The following KALRN variants were observed in gnomAD, a reference collection of about 807,000 sequenced individuals.
KALRN encodes kalirin RhoGEF kinase.
KALRN carries 70 observed loss-of-function variants against 353.7 expected under a neutral mutation model. That is an observed-to-expected ratio of 0.20 (90% CI 0.16 to 0.24). KALRN has a LOEUF of 0.24. Ranked by LOEUF, KALRN falls within the 10% of genes least tolerant of loss-of-function variation. The probability of loss-of-function intolerance (pLI) is 1.00; values close to 1 mark genes in which losing one functional copy is unlikely to be tolerated. For synonymous variants in KALRN, 1,391 were observed against 1,434.8 expected, an observed-to-expected ratio of 0.97 and a Z score of 0.69; for missense variants, 2,791 against 3,756.7, an observed-to-expected ratio of 0.74 and a Z score of 6.72.
At chr3:124,368,032 G>A (rs2085165087) in intron 10 of KALRN, among the ~76,000 whole-genome samples, 2 of 43,526 alleles carry the variant, frequency 4.6e-5, no homozygotes, top group South Asian at 9.3e-4. Flanking sequence ...GCGGCTGGCC[G>A]GGCGGAGGGC....
intron 59 of KALRN, among the ~76,000 whole-genome samples, chr3:124,718,259 T>A (rs1179449715): frequency 1.3e-5 from 2 of 151,980 alleles, no homozygotes; most frequent in African/African-American, 4.8e-5. Context: ...TAGCTGGGAT[T>A]ACAGGCGCCC....
At chr3:124,527,426 G>A (rs921927763) in intron 33 of KALRN, among the ~76,000 whole-genome samples, 8 of 151,904 alleles carry the variant, frequency 5.3e-5, no homozygotes, top group South Asian at 2.1e-4. Flanking sequence ...TGGCTAACAC[G>A]GTGAAACCCC....
chr3:124,589,523 T>C (rs2075561974), intron 34 of KALRN, among the ~76,000 whole-genome samples: 1 of 152,136 alleles, frequency 6.6e-6, no homozygotes, highest in South Asian at 2.1e-4. Context: ...AGCCCATGAA[T>C]TCAAGTTTGC....
chr3:124,555,770 A>G (rs959997876), intron 33 of KALRN, among the ~76,000 whole-genome samples: 4 of 152,210 alleles, frequency 2.6e-5, no homozygotes, highest in Non-Finnish European at 4.4e-5. Context: ...ACAGATATTT[A>G]TCACCTGCTG....
intron 34 of KALRN, among the ~76,000 whole-genome samples, chr3:124,622,550 T>C (rs2079395351): frequency 6.6e-6 from 1 of 152,164 alleles, no homozygotes. Context: ...TCATAAGTAA[T>C]ATATTTGTGA....
At chr3:124,607,201 T>G (rs928337276) in intron 34 of KALRN, among the ~76,000 whole-genome samples, 1 of 152,250 alleles carries the variant, frequency 6.6e-6, no homozygotes, top group Non-Finnish European at 1.5e-5. Context: ...TACAGTGGTG[T>G]GGTATTCAGC....
chr3:124,163,526 G>T, intron 1 of KALRN: 1 of 846,046 alleles, frequency 1.2e-6, no homozygotes, highest in Non-Finnish European at 1.4e-6. Context: ...CTGCATTATG[G>T]CATGCATTTC....
At chr3:124,648,407 G>A (rs191778162) in intron 37 of KALRN, among the ~76,000 whole-genome samples, 141 of 152,334 alleles carry the variant, frequency 9.3e-4, no homozygotes, top group African/African-American at 3.3e-3. Flanking sequence ...CTCCTCAGAT[G>A]TTCTTTGTTC....
At chr3:124,050,378 C>T (rs1370753717) in intron 1 of KALRN, among the ~76,000 whole-genome samples, 1 of 152,174 alleles carries the variant, frequency 6.6e-6, no homozygotes, top group Admixed American at 6.5e-5. Flanking sequence ...AAGACAGAAC[C>T]TCTGCACTTG....
At chr3:124,552,823 T>C (rs922807932) in intron 33 of KALRN, among the ~76,000 whole-genome samples, 4 of 152,334 alleles carry the variant, frequency 2.6e-5, no homozygotes, top group Admixed American at 2.6e-4. Flanking sequence ...TGGAGTGCAG[T>C]GGTGCAATCT....
chr3:124,339,065 AC>A lies in KALRN; in HGVS notation c.1647+4574del, dbSNP rs2081414936. 2.0e-5 allele frequency among the ~76,000 whole-genome samples: 3 copies of A among 152,310 alleles called. No homozygotes were observed. In the South Asian group the frequency reaches 6.2e-4, roughly 32 times the overall value. On this transcript the variant is annotated intron_variant, in intron 9 of 59. Coordinates refer to ENST00000682506, the MANE Select transcript of KALRN (RefSeq NM_001388419.1). ...AGGTGGAGCCTATAATTTAAAAAGA[AC>A]CCCAGGTGATTCTTAAGCATTCTGA...
Position 124,033,927 on chromosome 3 carries a change from G to GT in KALRN, c.73+115dup, listed in dbSNP as rs1018843648. 1.3e-5 allele frequency among the ~76,000 whole-genome samples: 2 copies of GT among 152,190 alleles called. No individual in the cohort carries two copies. Among genetic ancestry groups the GT allele is most frequent in the African/African-American group, 2.4e-5 (1 of 41,458 alleles). On this transcript the variant is annotated intron_variant, in intron 1 of 59. Transcript: ENST00000682506. This position sits in a 1 kb window ranked among gnomAD's most constrained non-coding sequence, Gnocchi z 6.2. Reference sequence around the variant, plus strand: ...GCTGCCGCGTGCGTGTTGGGGGGCAGTGCCCCCTCGGCGTCGGGGCTGGAG... The same window carrying GT: ...GCTGCCGCGTGCGTGTTGGGGGGCAGTTGCCCCCTCGGCGTCGGGGCTGGAG...
intron 34 of KALRN, among the ~76,000 whole-genome samples, chr3:124,574,073 G>A (rs954384312): frequency 6.6e-6 from 1 of 152,206 alleles, no homozygotes; most frequent in Non-Finnish European, 1.5e-5. Flanking sequence ...TCAAAGAAGA[G>A]CAGGACAGAG....
At chr3:124,124,924 G>A (rs1465603621) in intron 1 of KALRN, among the ~76,000 whole-genome samples, 1 of 152,132 alleles carries the variant, frequency 6.6e-6, no homozygotes, top group Non-Finnish European at 1.5e-5. Context: ...TCACTTTATT[G>A]TGGTGGTCTG....
Position 124,700,044 on chromosome 3 carries a change from G to A in KALRN, c.7996+11G>A. The A allele has an allele frequency of 6.2e-7, 1 of 1,613,124 alleles. No homozygotes were observed. The highest frequency in any genetic ancestry group is 1.1e-5 in the South Asian group (1 of 90,998). Reference sequence around the variant, plus strand: ...GACTTCCAGAATATGGTGAGTCCCAGCCCAGCCCTGGCCCCCCAGGCAGTG... The same window carrying A: ...GACTTCCAGAATATGGTGAGTCCCAACCCAGCCCTGGCCCCCCAGGCAGTG... On this transcript the variant is annotated intron_variant, in intron 56 of 59. Transcript: ENST00000682506.
intron 33 of KALRN, among the ~76,000 whole-genome samples, chr3:124,532,871 C>T (rs2068164079): frequency 6.6e-6 from 1 of 151,126 alleles, no homozygotes; most frequent in South Asian, 2.1e-4. Context: ...CTGATTTCTA[C>T]ATTTCCTTCT....
intron 1 of KALRN, among the ~76,000 whole-genome samples, chr3:124,150,576 A>G (rs1389980556): frequency 3.3e-5 from 5 of 152,136 alleles, no homozygotes; most frequent in Non-Finnish European, 7.3e-5. Flanking sequence ...AATAATCGGG[A>G]TAATTAGAAG....
chr3:124,108,854 G>T (rs2062569335), intron 1 of KALRN, among the ~76,000 whole-genome samples: 1 of 152,158 alleles, frequency 6.6e-6, no homozygotes, highest in Non-Finnish European at 1.5e-5. Flanking sequence ...CTTTGCAGGG[G>T]ATTACACAAA....
intron 5 of KALRN, among the ~76,000 whole-genome samples, chr3:124,275,535 G>T (rs989527815): frequency 6.6e-6 from 1 of 152,116 alleles, no homozygotes; most frequent in African/African-American, 2.4e-5. Context: ...AAACTTCTTC[G>T]CAGGGTTGTT....
Sources: gnomAD v4.1 joint callset for allele counts (sites outside exome capture counted in the v4.1 genomes callset) on GRCh38, gnomAD v4.1.1 for gene constraint, Gnocchi (gnomAD v3.1) non-coding constraint, MANE v1.5 for transcripts, NCBI Gene and HGNC (gene_info 2026-07-23, HGNC 2026-07-21) for gene names.